Variants in CFAP299 observed in about 807,000 individuals in gnomAD.
CFAP299 encodes cilia- and flagella-associated protein 299.
CFAP299 carries 21 observed loss-of-function variants against 27.0 expected under a neutral mutation model. The observed-to-expected ratio is 0.78, with a 90% CI of 0.55 to 1.12. CFAP299 has a LOEUF of 1.12. Among genes scored for constraint, CFAP299 ranks in the 50% most tolerant of loss-of-function variants. The pLI, the probability that CFAP299 is intolerant of heterozygous loss-of-function variation, is 0.00. For missense variants in CFAP299, 310 were observed against 276.6 expected, an observed-to-expected ratio of 1.12 and a Z score of -0.86; for synonymous variants, 104 against 98.1, an observed-to-expected ratio of 1.06 and a Z score of -0.36.
chr4:80,643,386 T>C (rs1239418619), intron 3 of CFAP299, among the ~76,000 whole-genome samples: 1 of 152,148 alleles, frequency 6.6e-6, no homozygotes, highest in African/African-American at 2.4e-5. Flanking sequence ...TATGGACAAC[T>C]GTGCTACTTA....
intron 3 of CFAP299, among the ~76,000 whole-genome samples, chr4:80,778,696 G>A (rs1726693392): frequency 2.0e-5 from 3 of 151,768 alleles, no homozygotes. Context: ...ATTTATAAAG[G>A]GATAGGGAAC....
chr4:80,915,584 AT>A (rs1235839381), intron 4 of CFAP299, among the ~76,000 whole-genome samples: 8 of 151,434 alleles, frequency 5.3e-5, no homozygotes, highest in African/African-American at 9.7e-5. Context: ...TTCTTCAAGC[AT>A]TTTTTTTCTA....
chr4:80,370,847 A>G (rs1185517648), intron 2 of CFAP299, among the ~76,000 whole-genome samples: 2 of 152,162 alleles, frequency 1.3e-5, no homozygotes, highest in Non-Finnish European at 2.9e-5. Flanking sequence ...TGGCTCTACC[A>G]TTCTGAGGTC....
At chr4:80,571,710 A>G (rs1054202560) in intron 2 of CFAP299, among the ~76,000 whole-genome samples, 2 of 151,788 alleles carry the variant, frequency 1.3e-5, no homozygotes, top group South Asian at 2.1e-4. Flanking sequence ...GGCCCTCATG[A>G]TGGGATTAGT....
chr4:80,705,201 A>G (rs192157905), intron 3 of CFAP299, among the ~76,000 whole-genome samples: 49 of 151,912 alleles, frequency 3.2e-4, no homozygotes, highest in African/African-American at 1.1e-3. Context: ...TGCTTAAACA[A>G]CTAGAAACTT....
At chr4:80,548,563 G>C (rs1484612901) in intron 2 of CFAP299, among the ~76,000 whole-genome samples, 1 of 152,088 alleles carries the variant, frequency 6.6e-6, no homozygotes, top group Non-Finnish European at 1.5e-5. Context: ...AAACATGAGA[G>C]CTAGGCTTTT....
chr4:80,678,045 T>A (rs763703224), intron 3 of CFAP299, among the ~76,000 whole-genome samples: 1 of 152,110 alleles, frequency 6.6e-6, no homozygotes, highest in Non-Finnish European at 1.5e-5. Context: ...TTATATTTCC[T>A]TTTTTAAATT....
chr4:80,766,214 G>A (rs186321866), intron 3 of CFAP299, among the ~76,000 whole-genome samples: 10 of 152,144 alleles, frequency 6.6e-5, no homozygotes, highest in African/African-American at 1.7e-4. Flanking sequence ...AAGTTAAAAT[G>A]TCTGCAGCAG....
chr4:80,525,890 G>A (rs1298331739), intron 2 of CFAP299, among the ~76,000 whole-genome samples: 7 of 152,080 alleles, frequency 4.6e-5, no homozygotes, highest in Non-Finnish European at 8.8e-5. Context: ...ACAATAACCT[G>A]TATGAACAAA....
intron 2 of CFAP299, among the ~76,000 whole-genome samples, chr4:80,560,046 G>T (rs1734964455): frequency 6.6e-6 from 1 of 152,028 alleles, no homozygotes; most frequent in African/African-American, 2.4e-5. Context: ...AGGCTGCATA[G>T]CCCGTGACTC....
At position 80,688,689 on chromosome 4, in the gene CFAP299, C is replaced by T. The variant is rs192303506; in HGVS notation, c.333+105506C>T. On this transcript the variant is annotated intron_variant, in intron 3 of 5. Transcript: ENST00000358105. ...TCACCAGCAACGGAACAAAGCTGGA[C>T]GGAGAATGACTTTGAGAAGCTGAGA... Among the ~76,000 whole-genome samples, 469 of 152,276 alleles carry T rather than the reference C, an allele frequency of 3.1e-3. 3 individuals are homozygous for T. The highest frequency in any genetic ancestry group is 4.5e-3 in the Non-Finnish European group (303 of 68,016).
intron 3 of CFAP299, among the ~76,000 whole-genome samples, chr4:80,778,926 C>A (rs1466209469): frequency 6.6e-6 from 1 of 151,904 alleles, no homozygotes; most frequent in Non-Finnish European, 1.5e-5. Flanking sequence ...GTAAATTAAC[C>A]CACAAATTTT....
At chr4:80,457,220 C>T (rs114322989) in intron 2 of CFAP299, among the ~76,000 whole-genome samples, 1,988 of 152,132 alleles carry the variant, frequency 0.013, 18 homozygotes, top group Non-Finnish European at 0.02. Context: ...CCGCAGGCAG[C>T]GTTTTCCACA....
At chr4:80,694,325 C>G (rs150277615) in intron 3 of CFAP299, among the ~76,000 whole-genome samples, 2 of 152,158 alleles carry the variant, frequency 1.3e-5, no homozygotes, top group African/African-American at 4.8e-5. Flanking sequence ...AGCTCAACAC[C>G]CATGCCACCT....
intron 3 of CFAP299, among the ~76,000 whole-genome samples, chr4:80,809,163 T>A (rs1254339441): frequency 2.0e-5 from 3 of 152,162 alleles, no homozygotes; most frequent in Non-Finnish European, 4.4e-5. Context: ...ACCTTTTGCC[T>A]CTAACCACAT....
At chr4:80,792,371 A>T (rs575138046) in intron 3 of CFAP299, among the ~76,000 whole-genome samples, 11 of 152,192 alleles carry the variant, frequency 7.2e-5, no homozygotes, top group Middle Eastern at 3.4e-3. Flanking sequence ...ATACTTTTGG[A>T]TTAAACTCCT....
intron 2 of CFAP299, among the ~76,000 whole-genome samples, chr4:80,433,630 AT>A (rs527953313): frequency 6.6e-6 from 1 of 151,842 alleles, no homozygotes; most frequent in Non-Finnish European, 1.5e-5. Flanking sequence ...GTCACATGTA[AT>A]TTTTTTTGCT....
rs948678645 is a variant in CFAP299, at chr4:80,404,006, A to G, written c.242+41122A>G. Among the ~76,000 whole-genome samples, 3 of 152,174 alleles carry G rather than the reference A, an allele frequency of 2.0e-5. No homozygotes were observed. The South Asian group carries it at 6.2e-4, about 32-fold the overall frequency. On this transcript the variant is annotated intron_variant, in intron 2 of 5. Transcript: ENST00000358105. ...CAGAATTGACAATGGGGTCCTACGTATGATACCCGTGGCCTAGCCTAAGAA... is the reference window on the plus strand; with the variant it reads ...CAGAATTGACAATGGGGTCCTACGTGTGATACCCGTGGCCTAGCCTAAGAA...
At chr4:80,458,116 A>C (rs956767512) in intron 2 of CFAP299, among the ~76,000 whole-genome samples, 7 of 152,168 alleles carry the variant, frequency 4.6e-5, no homozygotes, top group African/African-American at 1.4e-4. Flanking sequence ...AAAAAAAAGA[A>C]AGAGAGACTC....
Sources: gnomAD v4.1 joint callset for allele counts (sites outside exome capture counted in the v4.1 genomes callset) on GRCh38, gnomAD v4.1.1 for gene constraint, MANE v1.5 for transcripts, NCBI Gene and HGNC (gene_info 2026-07-23, HGNC 2026-07-21) for gene names.